The following ARHGAP44 variants were observed in gnomAD, a reference collection of about 807,000 sequenced individuals.
ARHGAP44 encodes rho GTPase-activating protein 44.
In ARHGAP44, 43 loss-of-function variants were observed where a neutral mutation model predicts 106.8. The observed-to-expected ratio is 0.40, with a 90% CI of 0.32 to 0.52. ARHGAP44 has a LOEUF of 0.52. ARHGAP44 is among the 20% of genes least tolerant of loss of function. ARHGAP44 has a pLI of 0.48. For synonymous variants in ARHGAP44, 439 were observed against 410.3 expected (o/e 1.07, Z -0.85); for missense variants, 866 against 1,050.5 (o/e 0.82, Z 2.43).
chr17:12,914,836 A>G (rs1351425253), intron 4 of ARHGAP44, among the ~76,000 whole-genome samples: 2 of 151,948 alleles, frequency 1.3e-5, no homozygotes, highest in African/African-American at 4.8e-5. Context: ...AAATCCAAAC[A>G]AAAAAAGCAA....
At chr17:12,876,772 A>G (rs1182397805) in intron 1 of ARHGAP44, among the ~76,000 whole-genome samples, 2 of 151,780 alleles carry the variant, frequency 1.3e-5, no homozygotes, top group Non-Finnish European at 2.9e-5. Flanking sequence ...TTAGCTGGGC[A>G]TGGTGGCGTG....
chr17:12,979,700 T>A (rs183912648), intron 18 of ARHGAP44, among the ~76,000 whole-genome samples: 2 of 152,252 alleles, frequency 1.3e-5, no homozygotes, highest in East Asian at 3.9e-4. Context: ...GTGTTCCAGT[T>A]TGAGAATGTT....
At chr17:12,848,631 A>T (rs2035639895) in intron 1 of ARHGAP44, among the ~76,000 whole-genome samples, 1 of 152,188 alleles carries the variant, frequency 6.6e-6, no homozygotes, top group African/African-American at 2.4e-5. Context: ...GGGTGCTTGT[A>T]CACCTCTGAA....
chr17:12,901,715 A>G (rs527747133), intron 3 of ARHGAP44, among the ~76,000 whole-genome samples: 1 of 152,170 alleles, frequency 6.6e-6, no homozygotes, highest in African/African-American at 2.4e-5. Context: ...TGGCTTTTGA[A>G]TCAGGAACCC....
At chr17:12,914,091 A>G (rs1312856322) in intron 4 of ARHGAP44, among the ~76,000 whole-genome samples, 1 of 152,072 alleles carries the variant, frequency 6.6e-6, no homozygotes, top group African/African-American at 2.4e-5. Flanking sequence ...ACGTGTGTAT[A>G]TGAAGTTCCT....
intron 10 of ARHGAP44, among the ~76,000 whole-genome samples, chr17:12,945,682 C>G (rs1024119455): frequency 4.6e-5 from 7 of 152,060 alleles, no homozygotes; most frequent in African/African-American, 1.7e-4. Flanking sequence ...TGTAGGCCAG[C>G]CTGTTCTAGA....
At chr17:12,941,945 A>G (rs2038721982) in intron 8 of ARHGAP44, among the ~76,000 whole-genome samples, 1 of 152,228 alleles carries the variant, frequency 6.6e-6, no homozygotes, top group East Asian at 1.9e-4. Flanking sequence ...AAGGAAAGGA[A>G]TGATAAAGAA....
intron 1 of ARHGAP44, among the ~76,000 whole-genome samples, chr17:12,818,600 TCTC>T (rs1188176746): frequency 6.6e-6 from 1 of 151,916 alleles, no homozygotes; most frequent in Non-Finnish European, 1.5e-5. Context: ...CTATGAAAAA[TCTC>T]CTAGAACTAA....
intron 17 of ARHGAP44, 48 bp from the exon 18 acceptor site, chr17:12,974,041 T>G (rs1017898310): frequency 6.5e-7 from 1 of 1,529,802 alleles, no homozygotes; most frequent in Non-Finnish European, 8.9e-7. Flanking sequence ...GCCTGTCTCC[T>G]GTCATCTGTT....
chr17:12,871,608 A>T (rs1402777355), intron 1 of ARHGAP44, among the ~76,000 whole-genome samples: 1 of 152,058 alleles, frequency 6.6e-6, no homozygotes, highest in Non-Finnish European at 1.5e-5. Flanking sequence ...ACAAGGGGGA[A>T]ATCCACTCCC....
chr17:12,987,712 C>A (rs2039995012), intron 20 of ARHGAP44: 1 of 152,268 alleles, frequency 6.6e-6, no homozygotes, highest in Admixed American at 6.5e-5. Flanking sequence ...TTCCTCCAGG[C>A]TGAGACTGCT....
intron 7 of ARHGAP44, among the ~76,000 whole-genome samples, chr17:12,936,286 G>C (rs1030643262): frequency 6.6e-6 from 1 of 152,158 alleles, no homozygotes; most frequent in Non-Finnish European, 1.5e-5. Flanking sequence ...GTATGTGAAT[G>C]TATCCACCAT....
chr17:12,911,505 A>G (rs1002330462), intron 4 of ARHGAP44, among the ~76,000 whole-genome samples: 2 of 152,194 alleles, frequency 1.3e-5, no homozygotes, highest in African/African-American at 4.8e-5. Flanking sequence ...ACATCACGTA[A>G]TGCTTACAGT....
intron 1 of ARHGAP44, 193 bp downstream of exon 1, chr17:12,790,084 C>A: frequency 2.0e-6 from 1 of 508,674 alleles, no homozygotes; most frequent in Admixed American, 4.4e-5. Context: ...GCTCTTCTCA[C>A]TCGCCGCCTT....
chr17:12,984,389 G>A (rs1490770725), intron 19 of ARHGAP44, 142 bp from the exon 20 acceptor site: 2 of 793,092 alleles, frequency 2.5e-6, no homozygotes, highest in African/African-American at 1.8e-5. Flanking sequence ...AGGCCGGGGG[G>A]CAGGGCAGGG....
rs571858518 is a variant in ARHGAP44, at chr17:12,920,191, T to C, written c.464+360T>C. Among the ~76,000 whole-genome samples, 605 of 152,008 alleles carry C rather than the reference T, an allele frequency of 4.0e-3. 5 individuals carry two copies. The highest frequency in any genetic ancestry group is 0.012 in the African/African-American group (500 of 41,440). ...GAGATCGAGACCATCCTGGCTAACA[T>C]GGTGAAACCCTGTCTCTACTAAAAA... On this transcript the variant is annotated intron_variant, in intron 6 of 20. Coordinates refer to ENST00000379672, the MANE Select transcript of ARHGAP44 (RefSeq NM_014859.6).
At chr17:12,940,426 T>C (rs2038675641) in intron 7 of ARHGAP44, among the ~76,000 whole-genome samples, 1 of 152,208 alleles carries the variant, frequency 6.6e-6, no homozygotes, top group South Asian at 2.1e-4. Context: ...CAATGCAGCA[T>C]TGGGTCACCC....
At chr17:12,836,150 T>C (rs1336684590) in intron 1 of ARHGAP44, among the ~76,000 whole-genome samples, 1 of 152,210 alleles carries the variant, frequency 6.6e-6, no homozygotes, top group Non-Finnish European at 1.5e-5. Flanking sequence ...TTTAGAATTA[T>C]ATATTCCCAG....
chr17:12,873,296 A>T (rs1399965361), intron 1 of ARHGAP44, among the ~76,000 whole-genome samples: 3 of 152,126 alleles, frequency 2.0e-5, no homozygotes, highest in Non-Finnish European at 2.9e-5. Flanking sequence ...TATGTGGCAG[A>T]TCTTACCCAG....
Sources: gnomAD v4.1 joint callset for allele counts (sites outside exome capture counted in the v4.1 genomes callset) on GRCh38, gnomAD v4.1.1 for gene constraint, MANE v1.5 for transcripts, NCBI Gene and HGNC (gene_info 2026-07-23, HGNC 2026-07-21) for gene names.